Variants in ATP2A1 observed in about 807,000 individuals in gnomAD.
ATP2A1 encodes the protein sarcoplasmic/endoplasmic reticulum calcium ATPase 1.
ATP2A1 carries 83 observed loss-of-function variants against 109.5 expected under a neutral mutation model. The observed-to-expected ratio is 0.76, with a 90% CI of 0.63 to 0.91. The LOEUF (loss-of-function observed/expected upper bound fraction) is 0.91, where lower values mean the gene tolerates loss of function less well. ATP2A1 is among the 40% of genes least tolerant of loss of function. The pLI, the probability that ATP2A1 is intolerant of heterozygous loss-of-function variation, is 0.00. For missense variants in ATP2A1, 1,101 were observed against 1,341.0 expected (o/e 0.82, Z 2.80); for synonymous variants, 505 against 537.6 (o/e 0.94, Z 0.84).
chr16:28,902,457 C>A lies in ATP2A1; in HGVS notation c.2524+71C>A. 1.3e-6 allele frequency: 2 copies of A among 1,581,644 alleles called. No individual in the cohort carries two copies. The highest frequency in any genetic ancestry group is 1.7e-6 in the Non-Finnish European group (2 of 1,156,088). On this transcript the variant is annotated intron_variant, in intron 17 of 22. Coordinates refer to ENST00000395503, the MANE Select transcript of ATP2A1 (RefSeq NM_004320.6). The surrounding 1 kb of genome is among the most constrained non-coding windows in gnomAD (Gnocchi z 4.8). ...CCCCCTCTCTGGGACACCAGCTCCC[C>A]CATGCAGGTGCTGAGAGGGTCTTCT...
intron 10 of ATP2A1, 54 bp downstream of exon 10, chr16:28,894,297 C>T (rs1481932128): frequency 2.1e-5 from 32 of 1,547,866 alleles, no homozygotes; most frequent in Non-Finnish European, 2.8e-5. Flanking sequence ...CCCACACCCC[C>T]TTTCTCCCTG....
Position 28,903,440 on chromosome 16 carries a change from G to A in ATP2A1, c.2980G>A (p.Gly994Arg), listed in dbSNP as rs1964150293. ...LKFVARNYLE[G>R] ...GTTCGTTGCTCGGAACTACCTAGAG[G>A]GTAAGGAGTGCCCTCTCTGTCCCAA... Residue 994 changes from glycine to arginine, a missense_variant and splice_region_variant, in exon 21 of 23, where the codon GGA (glycine) becomes AGA (arginine). Gly to Arg is a moderately radical substitution (Grantham distance 125). Transcript: ENST00000395503. The surrounding 1 kb of genome is among the most constrained non-coding windows in gnomAD (Gnocchi z 5.6). 5 of 1,611,638 alleles carry A rather than the reference G, an allele frequency of 3.1e-6. No individual in the cohort carries two copies. The highest frequency in any genetic ancestry group is 1.7e-5 in the Admixed American group (1 of 59,994).
intron 3 of ATP2A1, chr16:28,879,873 T>A: frequency 1.7e-6 from 1 of 573,460 alleles, no homozygotes; most frequent in Non-Finnish European, 2.5e-6. Context: ...CCACCCGAAC[T>A]CCGGGCTCCG....
intron 1 of ATP2A1, 135 bp downstream of exon 1, chr16:28,878,924 G>A (rs755854294): frequency 3.8e-6 from 5 of 1,332,358 alleles, no homozygotes; most frequent in Non-Finnish European, 5.4e-6. Context: ...GCTCGCAGGG[G>A]GAAGAAGATA....
chr16:28,901,914 A>G lies in ATP2A1; in HGVS notation c.2152A>G (p.Ile718Val), dbSNP rs1245428142. The change falls in exon 16 of 23, where the codon ATT (isoleucine) becomes GTT (valine). Residue 718 changes from isoleucine (I) to valine (V), a missense_variant. Physicochemically the swap from Ile to Val is conservative, Grantham distance 29. Coordinates refer to ENST00000395503, the MANE Select transcript of ATP2A1 (RefSeq NM_004320.6). ...APALKKAEIG[I>V]AMGSGTAVAK... is the part of the protein sequence containing the mutation. The stretch of plus-strand genomic sequence containing the variant: ...TGCCCTGAAGAAGGCTGAGATTGGC[A>G]TTGCCATGGGATCTGGCACTGCCGT... 2.5e-6 allele frequency: 4 copies of G among 1,614,248 alleles called. No homozygotes were observed. In the Admixed American group the frequency reaches 6.7e-5, roughly 27 times the overall value.
Position 28,902,095 on chromosome 16 carries a change from G to C in ATP2A1, c.2321+12G>C. On this transcript the variant is annotated intron_variant, in intron 16 of 22. Transcript: ENST00000395503. The surrounding 1 kb of genome is among the most constrained non-coding windows in gnomAD (Gnocchi z 4.8). ...GGCGAGGTGGTCTGGTGAGCAGCTG[G>C]GTGGGCGTCCAGGAGGAAGCCGGGG... 1 of 1,614,202 alleles carries C rather than the reference G, an allele frequency of 6.2e-7. No individual in the cohort carries two copies. Among genetic ancestry groups the C allele is most frequent in the Non-Finnish European group, 8.5e-7 (1 of 1,180,020 alleles).
At chr16:28,889,050 C>T in intron 9 of ATP2A1, 97 bp downstream of exon 9, 1 of 1,531,048 alleles carries the variant, frequency 6.5e-7, no homozygotes, top group South Asian at 1.1e-5. Flanking sequence ...TCACTGCTGG[C>T]TTCTCATCTG....
chr16:28,901,117 C>G (rs1280022044), intron 15 of ATP2A1, among the ~76,000 whole-genome samples: 7 of 152,170 alleles, frequency 4.6e-5, no homozygotes, highest in Admixed American at 2.6e-4. Flanking sequence ...ATCACTTGAG[C>G]AGGAGTTCGA....
intron 14 of ATP2A1, 87 bp from the exon 15 acceptor site, chr16:28,900,494 C>A (rs1964040651): frequency 3.3e-4 from 218 of 655,636 alleles, no homozygotes; most frequent in East Asian, 7.4e-4. Context: ...CCTGACCTTT[C>A]ACCCCATCCC....
intron 3 of ATP2A1, chr16:28,879,935 A>G (rs1014100407): frequency 6.6e-5 from 63 of 950,168 alleles, no homozygotes; most frequent in Non-Finnish European, 7.7e-5. Context: ...CACTCCCGGC[A>G]TGCGCCGGGC....
chr16:28,895,458 T>C (rs1370209250), intron 12 of ATP2A1, among the ~76,000 whole-genome samples: 1 of 152,142 alleles, frequency 6.6e-6, no homozygotes, highest in Admixed American at 6.6e-5. Context: ...CTCTGGGGAA[T>C]TATATTCCCC....
At chr16:28,896,504 C>T (rs1963921453) in intron 12 of ATP2A1, among the ~76,000 whole-genome samples, 1 of 152,042 alleles carries the variant, frequency 6.6e-6, no homozygotes, top group South Asian at 2.1e-4. Context: ...CCTCCGCCTC[C>T]TGGGTTCAAG....
In ATP2A1 at chr16:28,894,958, G is replaced by A; in HGVS notation, c.1419+5G>A. Reference sequence around the variant, plus strand: ...AGAGCCAACGCCTGCAACTCGGTGAGCCTGCGGAGCCCCTGCCACAGGGCC... The same window carrying A: ...AGAGCCAACGCCTGCAACTCGGTGAACCTGCGGAGCCCCTGCCACAGGGCC... On this transcript the variant is annotated splice_donor_5th_base_variant and intron_variant, in intron 12 of 22. Coordinates refer to ENST00000395503, the MANE Select transcript of ATP2A1 (RefSeq NM_004320.6). 1 of 1,610,396 alleles carries A rather than the reference G, an allele frequency of 6.2e-7. No homozygotes were observed. Among genetic ancestry groups the A allele is most frequent in the Non-Finnish European group, 8.5e-7 (1 of 1,179,982 alleles).
In ATP2A1 at chr16:28,878,564, A is replaced by G; in HGVS notation, c.-108A>G. 2.0e-6 allele frequency: 2 copies of G among 981,570 alleles called. No homozygotes were observed. The highest frequency in any genetic ancestry group is 3.2e-6 in the Non-Finnish European group (2 of 632,010). 60.8% of individuals were successfully genotyped at this position (981,570 alleles called of 1,614,324 possible). Reference sequence around the variant, plus strand: ...ACCTGGAGGGGGCAGGAGAGTAAAAAGAAGAAACCCAGGCAGACAGGCAGT... The same window carrying G: ...ACCTGGAGGGGGCAGGAGAGTAAAAGGAAGAAACCCAGGCAGACAGGCAGT... On this transcript the variant is annotated 5_prime_UTR_variant, in exon 1 of 23. Coordinates refer to ENST00000395503, the MANE Select transcript of ATP2A1 (RefSeq NM_004320.6).
chr16:28,894,092 G>A (rs1338444624), intron 9 of ATP2A1, 63 bp from the exon 10 acceptor site: 1 of 1,451,700 alleles, frequency 6.9e-7, no homozygotes, highest in African/African-American at 1.4e-5. Flanking sequence ...CTCCCTTGAT[G>A]CAGGTGCCCA....
chr16:28,879,357 G>A (rs1382081462), intron 2 of ATP2A1, 144 bp from the exon 3 acceptor site: 13 of 910,530 alleles, frequency 1.4e-5, no homozygotes, highest in Non-Finnish European at 2.1e-5. Flanking sequence ...CTCCAGGCGA[G>A]CTTCTTAGCC....
rs1368027682 is a variant in ATP2A1 at position 28,880,089 on chromosome 16, C to T, written c.219+506C>T. The stretch of plus-strand genomic sequence containing the variant: ...GTGATGATGACTCCAAGGAGCCCGG[C>T]GCCCGGTCAGGGAGGGCACTGGCAT... On this transcript the variant is annotated intron_variant, in intron 3 of 22. Transcript: ENST00000395503. This position sits in a 1 kb window ranked among gnomAD's most constrained non-coding sequence, Gnocchi z 4.2. 2.0e-6 allele frequency: 2 copies of T among 996,456 alleles called. No homozygotes were observed. Among genetic ancestry groups the T allele is most frequent in the Non-Finnish European group, 2.4e-6 (2 of 838,798 alleles). 61.7% of individuals were successfully genotyped at this position (996,456 alleles called of 1,614,324 possible).
intron 8 of ATP2A1, among the ~76,000 whole-genome samples, chr16:28,888,484 C>T (rs901407171): frequency 1.3e-5 from 2 of 152,152 alleles, no homozygotes; most frequent in Non-Finnish European, 2.9e-5. Flanking sequence ...TCATAACTCA[C>T]TGTAATCTCG....
intron 2 of ATP2A1, 58 bp from the exon 3 acceptor site, chr16:28,879,443 C>T (rs1419105211): frequency 9.1e-6 from 14 of 1,539,084 alleles, no homozygotes; most frequent in Admixed American, 1.7e-5. Context: ...GGCGCTCCAT[C>T]CCAGACCTTC....
Sources: gnomAD v4.1 joint callset for allele counts (sites outside exome capture counted in the v4.1 genomes callset) on GRCh38, gnomAD v4.1.1 for gene constraint, Gnocchi (gnomAD v3.1) non-coding constraint, MANE v1.5 for transcripts, NCBI Gene and HGNC (gene_info 2026-07-23, HGNC 2026-07-21) for gene names.